The following COG3 variants were observed in gnomAD, a reference collection of about 807,000 sequenced individuals.
COG3 encodes the protein conserved oligomeric Golgi complex subunit 3.
Under a neutral mutation model 114.1 loss-of-function variants are expected in COG3, and 32 were observed. The ratio of observed to expected loss-of-function variants is 0.28; its 90% CI spans 0.21 to 0.38. The LOEUF is 0.38. Among genes scored for constraint, COG3 ranks in the 10% least tolerant of loss-of-function variants. The pLI, the probability that COG3 is intolerant of heterozygous loss-of-function variation, is 1.00. For synonymous variants in COG3, 352 were observed against 365.7 expected, an observed-to-expected ratio of 0.96 and a Z score of 0.43; for missense variants, 813 against 973.2, an observed-to-expected ratio of 0.84 and a Z score of 2.19.
chr13:45,493,953 A>G (rs1868409741), intron 12 of COG3: 1 of 152,900 alleles, frequency 6.5e-6, no homozygotes, highest in Non-Finnish European at 1.5e-5. Context: ...TACTTTGTCC[A>G]TCTGATACAT....
At chr13:45,487,128 T>G (rs1328914941) in intron 8 of COG3, among the ~76,000 whole-genome samples, 1 of 152,182 alleles carries the variant, frequency 6.6e-6, no homozygotes, top group Non-Finnish European at 1.5e-5. Context: ...GCCAACTGAT[T>G]TTTGATAAAA....
intron 2 of COG3, among the ~76,000 whole-genome samples, chr13:45,477,002 C>T (rs1885911154): frequency 6.6e-6 from 1 of 152,176 alleles, no homozygotes; most frequent in Admixed American, 6.5e-5. Flanking sequence ...GCTAGGCTGA[C>T]CTGCACCTGA....
intron 1 of COG3, among the ~76,000 whole-genome samples, chr13:45,471,209 G>T (rs935801958): frequency 2.0e-5 from 3 of 151,646 alleles, no homozygotes; most frequent in African/African-American, 4.8e-5. Context: ...TTCAAGAATA[G>T]CTTGGGTAAC....
rs142481039 is a variant in COG3 at position 45,477,573 on chromosome 13, G to C, written c.321+1226G>C. Among the ~76,000 whole-genome samples, 5 of 151,478 alleles carry C rather than the reference G, an allele frequency of 3.3e-5. No individual in the cohort carries two copies. The East Asian group carries it at 9.7e-4, about 29-fold the overall frequency. On this transcript the variant is annotated intron_variant, in intron 2 of 22. Coordinates refer to ENST00000349995, the MANE Select transcript of COG3 (RefSeq NM_031431.4). Reference sequence around the variant, plus strand: ...CCCCGCATCCCCCTTTTAAATAATAGATATTTTTCAGGCCAGAATTCAGAT... The same window carrying C: ...CCCCGCATCCCCCTTTTAAATAATACATATTTTTCAGGCCAGAATTCAGAT...
chr13:45,484,574 TTGCTTATTTATTTATTTATTTA>T (rs1244962535), intron 7 of COG3, among the ~76,000 whole-genome samples: 3 of 136,840 alleles, frequency 2.2e-5, no homozygotes, highest in African/African-American at 7.9e-5. Context: ...CTCCCTAAGC[TTGCTTATTTATTTATTTATTTA>T]TTTATTTATT....
rs1304273577 is a variant in COG3 at position 45,524,884 on chromosome 13, T to TCCCTTGAGAGCAGTACCA, written c.2155-73_2155-56dup. The TCCCTTGAGAGCAGTACCA allele has an allele frequency of 1.2e-5, 10 of 806,958 alleles. No homozygotes were observed. The East Asian group carries it at 2.1e-4, about 17-fold the overall frequency. The allele number at this position is 806,958 out of a possible 1,614,324, so 50.0% of individuals were successfully genotyped here. A position where few individuals can be genotyped will look rare whatever the true frequency, so the allele number is the denominator to read the frequency against. ...TAATAGGTTTAAATGGTGTTGTGTA[T>TCCCTTGAGAGCAGTACCA]CCCTTGAGAGCAGTACCACCCTTGA... On this transcript the variant is annotated intron_variant, in intron 19 of 22. Transcript: ENST00000349995.
intron 14 of COG3, among the ~76,000 whole-genome samples, chr13:45,507,852 T>C (rs1306578475): frequency 6.7e-6 from 1 of 150,310 alleles, no homozygotes; most frequent in Non-Finnish European, 1.5e-5. Flanking sequence ...GGTGGATCAC[T>C]AGGTCAGGAG....
intron 14 of COG3, among the ~76,000 whole-genome samples, chr13:45,505,991 G>A (rs1276361106): frequency 6.6e-6 from 1 of 152,162 alleles, no homozygotes; most frequent in African/African-American, 2.4e-5. Context: ...TGCCTCCTGG[G>A]CTTAAAGCCA....
At chr13:45,534,000 G>A (rs1164494405) in intron 22 of COG3, among the ~76,000 whole-genome samples, 2 of 152,176 alleles carry the variant, frequency 1.3e-5, no homozygotes, top group South Asian at 2.1e-4. Flanking sequence ...AAGGTTCCAG[G>A]GCCTGGGTGT....
rs1873493216 is a variant in COG3, at chr13:45,535,537, C to T, written c.*806C>T. On this transcript the variant is annotated 3_prime_UTR_variant, in exon 23 of 23. Transcript: ENST00000349995. Reference sequence around the variant, plus strand: ...TTGGCGCATAGAGGAGAGAAGGAAACCTGAGGAGTAGTGTTCCTCCTGAAT... The same window carrying T: ...TTGGCGCATAGAGGAGAGAAGGAAATCTGAGGAGTAGTGTTCCTCCTGAAT... 9 of 985,512 alleles carry T rather than the reference C, an allele frequency of 9.1e-6. No homozygotes were observed. The highest frequency in any genetic ancestry group is 1.1e-5 in the Non-Finnish European group (9 of 830,054). The allele number at this position is 985,512 out of a possible 1,614,324, so 61.0% of individuals were successfully genotyped here.
At chr13:45,527,370 A>G (rs1317629044) in intron 20 of COG3, among the ~76,000 whole-genome samples, 2 of 152,214 alleles carry the variant, frequency 1.3e-5, no homozygotes, top group African/African-American at 4.8e-5. Context: ...GAATATAGCA[A>G]TGACAGTTCA....
intron 1 of COG3, 48 bp from the exon 2 acceptor site, chr13:45,476,153 G>A: frequency 6.3e-7 from 1 of 1,579,828 alleles, no homozygotes; most frequent in South Asian, 1.1e-5. Flanking sequence ...GTTAAGTTCA[G>A]AGAATTTTCA....
intron 16 of COG3, among the ~76,000 whole-genome samples, chr13:45,513,115 A>G (rs899287251): frequency 1.3e-5 from 2 of 150,022 alleles, no homozygotes; most frequent in African/African-American, 2.4e-5. Context: ...TTTTCTTCCC[A>G]CTTGGAGTGT....
chr13:45,506,489 A>G (rs148160955), intron 14 of COG3, among the ~76,000 whole-genome samples: 1 of 152,174 alleles, frequency 6.6e-6, no homozygotes, highest in Admixed American at 6.5e-5. Context: ...AAAACTTTAG[A>G]GGTGGAACAG....
chr13:45,475,275 G>A (rs938888365), intron 1 of COG3, among the ~76,000 whole-genome samples: 3 of 152,064 alleles, frequency 2.0e-5, no homozygotes, highest in Non-Finnish European at 4.4e-5. Context: ...TTGACTCACT[G>A]CAACCTCCAC....
intron 19 of COG3, among the ~76,000 whole-genome samples, chr13:45,519,748 G>A (rs1004870246): frequency 2.6e-5 from 4 of 152,082 alleles, no homozygotes; most frequent in Admixed American, 6.5e-5. Flanking sequence ...CATGCTGTGC[G>A]TCATTTCACT....
chr13:45,486,406 G>C, intron 7 of COG3, 89 bp from the exon 8 acceptor site: 1 of 794,000 alleles, frequency 1.3e-6, no homozygotes, highest in Non-Finnish European at 2.2e-6. Flanking sequence ...AGGCCAAGCA[G>C]TAGCCATAGG....
chr13:45,525,618 T>C (rs559411537), intron 20 of COG3, among the ~76,000 whole-genome samples: 2 of 121,902 alleles, frequency 1.6e-5, no homozygotes, highest in East Asian at 4.6e-4. Flanking sequence ...AATTTTTTTG[T>C]GCTGGAGGGC....
chr13:45,478,019 A>T (rs1247004552), intron 2 of COG3, among the ~76,000 whole-genome samples: 2 of 152,198 alleles, frequency 1.3e-5, no homozygotes. Flanking sequence ...ATATTTGCCC[A>T]AAGCACTATG....
Sources: allele counts gnomAD v4.1 joint callset (sites outside exome capture counted in the v4.1 genomes callset), GRCh38; gene constraint gnomAD v4.1.1; transcripts MANE v1.5; gene names NCBI Gene and HGNC (gene_info 2026-07-23, HGNC 2026-07-21).